ADGRL3: variants seen among roughly 807,000 people sequenced by gnomAD.
ADGRL3 encodes the protein adhesion G protein-coupled receptor L3, also known as calcium-independent alpha-latrotoxin receptor 3.
Under a neutral mutation model 153.5 loss-of-function variants are expected in ADGRL3, and 62 were observed. The ratio of observed to expected loss-of-function variants is 0.40; its 90% CI spans 0.33 to 0.50. The LOEUF is 0.50. Among genes scored for constraint, ADGRL3 ranks in the 20% least tolerant of loss-of-function variants. ADGRL3 has a pLI of 0.47. For synonymous variants in ADGRL3, 710 were observed against 672.5 expected (o/e 1.06, Z -0.86); for missense variants, 1,641 against 1,859.4 (o/e 0.88, Z 2.16).
intron 2 of ADGRL3, among the ~76,000 whole-genome samples, chr4:61,496,303 G>A (rs2098314774): frequency 6.6e-6 from 1 of 152,076 alleles, no homozygotes; most frequent in Admixed American, 6.5e-5. Context: ...ATTATACTGT[G>A]GTATAATTAT....
chr4:61,748,637 T>C (rs1444414641), intron 8 of ADGRL3, among the ~76,000 whole-genome samples: 1 of 152,094 alleles, frequency 6.6e-6, no homozygotes, highest in African/African-American at 2.4e-5. Context: ...TAAATGGTGT[T>C]GGGAAAACTG....
intron 2 of ADGRL3, among the ~76,000 whole-genome samples, chr4:61,402,902 C>T (rs928450353): frequency 1.3e-5 from 2 of 151,914 alleles, no homozygotes; most frequent in Non-Finnish European, 2.9e-5. Flanking sequence ...TAACAAAATG[C>T]CATTGTTTAG....
chr4:61,388,754 G>A (rs1301329604), intron 2 of ADGRL3, among the ~76,000 whole-genome samples: 2 of 152,184 alleles, frequency 1.3e-5, no homozygotes, highest in Non-Finnish European at 2.9e-5. Flanking sequence ...ATTGCTGCGT[G>A]TGGAACACAC....
intron 2 of ADGRL3, among the ~76,000 whole-genome samples, chr4:61,432,568 C>CTTTCTTTCTTTCTTTCTTTT (rs778720002): frequency 0.03 from 1,137 of 38,376 alleles, 189 homozygotes; most frequent in Admixed American, 0.06. Context: ...TCTTTTCTTT[C>CTTTCTTTCTTTCTTTCTTTT]TCTTCCTTTC....
intron 25 of ADGRL3, among the ~76,000 whole-genome samples, chr4:62,052,332 T>C (rs79365255): frequency 0.015 from 2,282 of 151,694 alleles, 28 homozygotes; most frequent in Non-Finnish European, 0.024. Context: ...ATATGGAAAA[T>C]AGATATTCTT....
chr4:62,034,384 C>G lies in ADGRL3; in HGVS notation c.3591+2774C>G, dbSNP rs971602303. ...GGCCCTAATTTTGAACGCTTATTTT[C>G]ATGATTTACAATAACAAGTAATACA... On this transcript the variant is annotated intron_variant, in intron 23 of 26. Coordinates refer to ENST00000683033, the MANE Select transcript of ADGRL3 (RefSeq NM_001387552.1). Among the ~76,000 whole-genome samples the G allele has an allele frequency of 1.3e-4, 20 of 151,990 alleles. 1 individual carries two copies. Among genetic ancestry groups the G allele is most frequent in the Admixed American group, 3.9e-4 (6 of 15,222 alleles).
chr4:61,473,290 A>G (rs1332807149), intron 2 of ADGRL3, among the ~76,000 whole-genome samples: 13 of 151,798 alleles, frequency 8.6e-5, no homozygotes, highest in Non-Finnish European at 1.5e-4. Context: ...TCCAAGAAAG[A>G]TAGAGATTAG....
chr4:61,976,108 C>T (rs2099047076), intron 17 of ADGRL3, among the ~76,000 whole-genome samples: 1 of 152,068 alleles, frequency 6.6e-6, no homozygotes, highest in Non-Finnish European at 1.5e-5. Context: ...AAACACAGTA[C>T]TAGGTGCTAG....
In ADGRL3 at chr4:61,670,583, G is replaced by A. The variant is rs564356388; in HGVS notation, c.474-6243G>A. On this transcript the variant is annotated intron_variant, in intron 5 of 26. Coordinates refer to ENST00000683033, the MANE Select transcript of ADGRL3 (RefSeq NM_001387552.1). ...CTTGTCCCATGACCAAGAAGAATAA[G>A]GCATGTAAACACCAGAGAGTGAGTA... 4.6e-5 allele frequency among the ~76,000 whole-genome samples: 7 copies of A among 152,122 alleles called. No individual in the cohort carries two copies. The South Asian group carries it at 1.2e-3, about 27-fold the overall frequency.
chr4:61,910,955 A>AATT (rs200804605), intron 12 of ADGRL3, among the ~76,000 whole-genome samples: 1 of 151,516 alleles, frequency 6.6e-6, no homozygotes, highest in African/African-American at 2.4e-5. Context: ...ATTAGATATA[A>AATT]ATTATTATTA....
At chr4:61,352,350 C>T (rs1178741116) in intron 1 of ADGRL3, among the ~76,000 whole-genome samples, 1 of 151,608 alleles carries the variant, frequency 6.6e-6, no homozygotes, top group Non-Finnish European at 1.5e-5. Flanking sequence ...TTTTTTTAGA[C>T]ATAAAATGCT....
intron 2 of ADGRL3, among the ~76,000 whole-genome samples, chr4:61,482,607 A>G (rs1257825061): frequency 2.0e-5 from 3 of 152,196 alleles, no homozygotes; most frequent in Non-Finnish European, 2.9e-5. Flanking sequence ...TTTAAGCTAC[A>G]TAACTCAAGG....
chr4:61,833,591 C>G (rs1307853416), intron 9 of ADGRL3, among the ~76,000 whole-genome samples: 1 of 152,086 alleles, frequency 6.6e-6, no homozygotes, highest in Non-Finnish European at 1.5e-5. Context: ...GTTTATCAGT[C>G]TGGGTGGTGC....
At chr4:61,431,595 T>G (rs1427029282) in intron 2 of ADGRL3, among the ~76,000 whole-genome samples, 1 of 152,174 alleles carries the variant, frequency 6.6e-6, no homozygotes, top group East Asian at 1.9e-4. Context: ...ACAAACTAAG[T>G]ATCAACAAAA....
intron 17 of ADGRL3, among the ~76,000 whole-genome samples, chr4:61,952,316 A>T (rs1042480324): frequency 6.6e-6 from 1 of 151,832 alleles, no homozygotes; most frequent in Non-Finnish European, 1.5e-5. Context: ...ATCTCTATTT[A>T]AAAAACACCA....
At chr4:61,759,460 A>C (rs536240224) in intron 8 of ADGRL3, among the ~76,000 whole-genome samples, 1 of 152,142 alleles carries the variant, frequency 6.6e-6, no homozygotes, top group East Asian at 1.9e-4. Context: ...CCAGTTGATC[A>C]GATCGACTAC....
Position 61,946,969 on chromosome 4 carries a change from G to A in ADGRL3, c.2475G>A (p.Thr825=), listed in dbSNP as rs751493825. ...ACAACTTGGGTCCTTATTTATCCAC[G>A]GAGAATGCCAGTATGAAGTTGGGAA... ...LYNNLGPYLS[T]ENASMKLGTE... Residue 825 remains threonine, a synonymous_variant, in exon 16 of 27, where the codon ACG becomes ACA. Transcript: ENST00000683033. 1 of 1,613,742 alleles carries A rather than the reference G, an allele frequency of 6.2e-7. No individual in the cohort carries two copies. The highest frequency in any genetic ancestry group is 8.5e-7 in the Non-Finnish European group (1 of 1,179,796).
chr4:61,583,664 G>C (rs1282015081), intron 4 of ADGRL3: 2 of 518,296 alleles, frequency 3.9e-6, no homozygotes, highest in East Asian at 5.5e-5. Flanking sequence ...TGTTTAATTA[G>C]TTCATGTCCC....
chr4:61,995,433 A>G (rs1359682299), intron 19 of ADGRL3, among the ~76,000 whole-genome samples: 1 of 152,020 alleles, frequency 6.6e-6, no homozygotes, highest in Non-Finnish European at 1.5e-5. Context: ...TTCCATGTTT[A>G]TATTATATAG....
Sources: gnomAD v4.1 joint callset for allele counts (sites outside exome capture counted in the v4.1 genomes callset) on GRCh38, gnomAD v4.1.1 for gene constraint, MANE v1.5 for transcripts, NCBI Gene and HGNC (gene_info 2026-07-23, HGNC 2026-07-21) for gene names.